ZNF804B: variants seen among roughly 807,000 people sequenced by gnomAD.
ZNF804B encodes the protein zinc finger 804B.
A neutral mutation model predicts 101.4 loss-of-function variants in ZNF804B; 80 were observed. The observed-to-expected ratio is 0.79, with a 90% CI of 0.66 to 0.95. ZNF804B has a LOEUF of 0.95. Ranked by LOEUF, ZNF804B falls within the 40% of genes least tolerant of loss-of-function variation. The probability of loss-of-function intolerance (pLI) is 0.00; values close to 1 mark genes in which losing one functional copy is unlikely to be tolerated. For synonymous variants in ZNF804B, 622 were observed against 558.8 expected (o/e 1.11, Z -1.59); for missense variants, 1,673 against 1,561.9 (o/e 1.07, Z -1.20).
intron 1 of ZNF804B, among the ~76,000 whole-genome samples, chr7:89,098,698 A>C (rs1790006938): frequency 6.6e-6 from 1 of 152,174 alleles, no homozygotes; most frequent in Non-Finnish European, 1.5e-5. Context: ...TTCTAACTTT[A>C]AACTCTGTGC....
At chr7:89,290,919 A>G (rs1316337438) in intron 2 of ZNF804B, among the ~76,000 whole-genome samples, 3 of 152,180 alleles carry the variant, frequency 2.0e-5, no homozygotes, top group East Asian at 3.9e-4. Flanking sequence ...CAACCCAGCT[A>G]CAAGTGACTC....
intron 1 of ZNF804B, among the ~76,000 whole-genome samples, chr7:88,920,505 T>C (rs1053810801): frequency 1.3e-5 from 2 of 152,042 alleles, no homozygotes. Flanking sequence ...TTGAACAATC[T>C]AATTCATTTT....
chr7:89,088,788 G>A (rs1789842323), intron 1 of ZNF804B, among the ~76,000 whole-genome samples: 1 of 151,642 alleles, frequency 6.6e-6, no homozygotes, highest in Non-Finnish European at 1.5e-5. Flanking sequence ...CCTTGTGGAG[G>A]CAAACATTGA....
At chr7:89,068,140 T>C (rs1397165840) in intron 1 of ZNF804B, among the ~76,000 whole-genome samples, 3 of 149,488 alleles carry the variant, frequency 2.0e-5, no homozygotes, top group African/African-American at 7.4e-5. Flanking sequence ...CTAGATGCTT[T>C]TATTTATACT....
intron 1 of ZNF804B, among the ~76,000 whole-genome samples, chr7:88,776,661 A>G (rs1790146422): frequency 6.9e-6 from 1 of 144,226 alleles, no homozygotes; most frequent in South Asian, 2.2e-4. Flanking sequence ...TCTTTTCTAT[A>G]AGGCTAGATA....
In ZNF804B at chr7:88,936,896, G is replaced by A. The variant is rs145841377; in HGVS notation, c.108+176812G>A. ...ATGCCGAAGCACCATACTGTGGAGC[G>A]TTGCTCTCTTGAGCTTCAACAATTA... On this transcript the variant is annotated intron_variant, in intron 1 of 3. Transcript: ENST00000333190. Among the ~76,000 whole-genome samples the A allele has an allele frequency of 7.3e-4, 111 of 152,000 alleles. 1 individual carries two copies. The East Asian group carries it at 0.013, about 18-fold the overall frequency.
intron 1 of ZNF804B, among the ~76,000 whole-genome samples, chr7:88,890,227 A>G (rs1311643090): frequency 6.6e-6 from 1 of 152,132 alleles, no homozygotes; most frequent in Non-Finnish European, 1.5e-5. Flanking sequence ...TCTCTGAACT[A>G]TTTTTAGTAT....
intron 1 of ZNF804B, among the ~76,000 whole-genome samples, chr7:89,104,670 A>G (rs1223423139): frequency 1.3e-5 from 2 of 150,522 alleles, no homozygotes; most frequent in South Asian, 2.1e-4. Flanking sequence ...TGTTTTCTTT[A>G]TTTACCTTAT....
intron 1 of ZNF804B, among the ~76,000 whole-genome samples, chr7:88,884,848 T>C (rs7805900): frequency 6.6e-6 from 1 of 151,898 alleles, no homozygotes; most frequent in Non-Finnish European, 1.5e-5. Flanking sequence ...TTAACCAGAA[T>C]TATGTTGTCT....
intron 1 of ZNF804B, among the ~76,000 whole-genome samples, chr7:89,068,028 C>A (rs1180521281): frequency 6.6e-6 from 1 of 150,380 alleles, no homozygotes; most frequent in Admixed American, 6.7e-5. Flanking sequence ...AAAGTTTAAA[C>A]AAGATAATCC....
chr7:89,255,358 A>G (rs1789611725), intron 2 of ZNF804B, among the ~76,000 whole-genome samples: 2 of 152,212 alleles, frequency 1.3e-5, no homozygotes, highest in South Asian at 4.1e-4. Flanking sequence ...TGTTGGGCAC[A>G]CACAGCAAAA....
At chr7:89,069,752 C>G (rs1033930357) in intron 1 of ZNF804B, among the ~76,000 whole-genome samples, 1 of 152,112 alleles carries the variant, frequency 6.6e-6, no homozygotes, top group Non-Finnish European at 1.5e-5. Flanking sequence ...GTATTTAGCA[C>G]TGTACTTAAA....
intron 1 of ZNF804B, among the ~76,000 whole-genome samples, chr7:88,973,147 T>C (rs564248019): frequency 3.0e-4 from 46 of 151,398 alleles, no homozygotes; most frequent in Non-Finnish European, 5.3e-4. Context: ...CAAGGGTTTT[T>C]TTTTTTTGCA....
At chr7:89,135,305 G>A (rs1042388077) in intron 1 of ZNF804B, among the ~76,000 whole-genome samples, 2 of 152,010 alleles carry the variant, frequency 1.3e-5, no homozygotes, top group Non-Finnish European at 2.9e-5. Context: ...CCAAGAAATT[G>A]CTTAATTATT....
chr7:89,298,465 G>A (rs1790426688), intron 2 of ZNF804B, among the ~76,000 whole-genome samples: 2 of 149,966 alleles, frequency 1.3e-5, no homozygotes, highest in African/African-American at 4.9e-5. Context: ...TAATATACAG[G>A]ACATCTCTGT....
chr7:88,991,116 T>G (rs935098927), intron 1 of ZNF804B, among the ~76,000 whole-genome samples: 4 of 152,248 alleles, frequency 2.6e-5, no homozygotes, highest in Non-Finnish European at 5.9e-5. Context: ...AATGTAGTCA[T>G]TCTACTACTT....
intron 3 of ZNF804B, among the ~76,000 whole-genome samples, chr7:89,329,797 T>C (rs1294607328): frequency 1.3e-5 from 2 of 151,670 alleles, no homozygotes; most frequent in Non-Finnish European, 3.0e-5. Context: ...ATTCTGAGAC[T>C]ATGAATTTTT....
chr7:89,129,298 T>A (rs567603850), intron 1 of ZNF804B, among the ~76,000 whole-genome samples: 1 of 152,192 alleles, frequency 6.6e-6, no homozygotes, highest in East Asian at 1.9e-4. Context: ...TTTTGTTAGA[T>A]GAGAATAATA....
chr7:89,304,954 T>A (rs1790537628), intron 2 of ZNF804B, among the ~76,000 whole-genome samples: 1 of 151,992 alleles, frequency 6.6e-6, no homozygotes, highest in Non-Finnish European at 1.5e-5. Context: ...CTAGAAAGAT[T>A]TTCTCTCCTT....
Sources: allele counts gnomAD v4.1 joint callset (sites outside exome capture counted in the v4.1 genomes callset), GRCh38; gene constraint gnomAD v4.1.1; transcripts MANE v1.5; gene names NCBI Gene and HGNC (gene_info 2026-07-23, HGNC 2026-07-21).